Variants in LRRC73 observed in about 807,000 individuals in gnomAD.
LRRC73 encodes leucine rich repeat containing 73.
LRRC73 carries 16 observed loss-of-function variants against 26.4 expected under a neutral mutation model. The observed-to-expected ratio is 0.61, with a 90% confidence interval of 0.41 to 0.92. The LOEUF (loss-of-function observed/expected upper bound fraction) is 0.92, where lower values mean the gene tolerates loss of function less well. Ranked by LOEUF, LRRC73 falls within the 40% of genes least tolerant of loss-of-function variation. LRRC73 has a pLI of 0.00. For missense variants in LRRC73, 344 were observed against 416.3 expected, an observed-to-expected ratio of 0.83 and a Z score of 1.51; for synonymous variants, 210 against 179.8, an observed-to-expected ratio of 1.17 and a Z score of -1.34.
At position 43,508,806 on chromosome 6, in the gene LRRC73, G is replaced by T. The variant is rs762127887; in HGVS notation, c.387C>A (p.Ala129=). 11 of 1,613,072 alleles carry T rather than the reference G, an allele frequency of 6.8e-6. 1 individual carries two copies. In the South Asian group the frequency reaches 1.1e-4, roughly 16 times the overall value. ...GCAGGAGGCCACAGATGAGGTTGAT[G>T]GCTTCATCACCCAGCATGCAGTCCC... The change falls in exon 2 of 6, where the codon GCC becomes GCA. Residue 129 remains alanine (A), a synonymous_variant. Transcript: ENST00000372441.
intron 1 of LRRC73, 50 bp from the exon 2 acceptor site, chr6:43,508,970 C>T: frequency 6.8e-7 from 1 of 1,467,708 alleles, no homozygotes; most frequent in Non-Finnish European, 9.1e-7. Flanking sequence ...GCACTATCTA[C>T]ATGGGAAAGG....
chr6:43,507,100 A>G, exon 6 of LRRC73: 2 of 853,114 alleles, frequency 2.3e-6, no homozygotes, highest in Non-Finnish European at 3.7e-6. Context: ...TTCCCACCAC[A>G]CTGCCAGGAG....
chr6:43,510,163 G>C (rs2127682005), exon 1 of LRRC73: 1 of 174,482 alleles, frequency 5.7e-6, no homozygotes, highest in South Asian at 1.6e-4. Flanking sequence ...TCGCGGCGGC[G>C]GCGGCGGCAG....
chr6:43,508,638 AGAG>A, intron 2 of LRRC73, 119 bp downstream of exon 2: 1 of 1,434,960 alleles, frequency 7.0e-7, no homozygotes, highest in Non-Finnish European at 9.5e-7. Context: ...CCCCTTCCTG[AGAG>A]GAGTAGAAAG....
exon 6 of LRRC73, chr6:43,507,304 G>A (rs1792520932): frequency 6.2e-7 from 1 of 1,613,862 alleles, no homozygotes; most frequent in Non-Finnish European, 8.5e-7. Flanking sequence ...TCTGAGAGCT[G>A]GGATCTGTGG....
chr6:43,510,018 A>T (rs1440252385), exon 1 of LRRC73: 1 of 298,458 alleles, frequency 3.4e-6, no homozygotes, highest in East Asian at 5.8e-5. Flanking sequence ...GGAGGCGTCC[A>T]GGGCGCGGGC....
intron 2 of LRRC73, 31 bp from the exon 3 acceptor site, chr6:43,508,451 A>G: frequency 6.2e-7 from 1 of 1,612,690 alleles, no homozygotes; most frequent in Non-Finnish European, 8.5e-7. Context: ...AAACCAGAAT[A>G]GGGAGGGTTA....
intron 5 of LRRC73, 63 bp downstream of exon 5, chr6:43,507,393 C>T: frequency 6.2e-7 from 1 of 1,607,900 alleles, no homozygotes; most frequent in Admixed American, 1.7e-5. Context: ...GTTCTGCACA[C>T]CCACTCTCCC....
chr6:43,509,644 TGCGGCCAAAGTCGCGGTCGCAGAG>T, exon 1 of LRRC73: 1 of 1,601,070 alleles, frequency 6.2e-7, no homozygotes, highest in Non-Finnish European at 8.5e-7. Flanking sequence ...GCCCGGCAGA[TGCGGCCAAAGTCGCGGTCGCAGAG>T]GCGGCAGCCG....
At chr6:43,507,956 A>G in intron 3 of LRRC73, 30 bp from the exon 4 acceptor site, 1 of 1,579,254 alleles carries the variant, frequency 6.3e-7, no homozygotes, top group Non-Finnish European at 8.7e-7. Context: ...GCACACATTC[A>G]TACACATGCC....
exon 1 of LRRC73, chr6:43,509,868 T>G: frequency 1.6e-6 from 2 of 1,258,300 alleles, no homozygotes; most frequent in Non-Finnish European, 1.0e-6. Context: ...AGGGCCGGGG[T>G]CGGGGCCCCG....
intron 1 of LRRC73, 141 bp from the exon 2 acceptor site, chr6:43,509,061 T>G (rs768499427): frequency 1.0e-5 from 9 of 868,668 alleles, no homozygotes; most frequent in Non-Finnish European, 1.5e-5. Context: ...GAAGGAAAGT[T>G]CTAGATTCTC....
intron 2 of LRRC73, 145 bp downstream of exon 2, chr6:43,508,615 G>GC (rs1177011673): frequency 2.6e-5 from 36 of 1,384,942 alleles, no homozygotes; most frequent in African/African-American, 5.8e-5. Flanking sequence ...TCTCCATGCT[G>GC]CCCCCCGTCC....
At chr6:43,508,220 C>G (rs1055577010) in intron 3 of LRRC73, 78 bp downstream of exon 3, 8 of 1,525,422 alleles carry the variant, frequency 5.2e-6, no homozygotes, top group African/African-American at 4.1e-5. Flanking sequence ...GTACGGGTTA[C>G]CATGTCAACT....
chr6:43,507,139 C>T (rs1468635957), exon 6 of LRRC73: 3 of 1,314,280 alleles, frequency 2.3e-6, no homozygotes, highest in Non-Finnish European at 3.2e-6. Context: ...AGCCCCTGAC[C>T]CCAGTTCCCT....
At chr6:43,509,906 G>T in exon 1 of LRRC73, 1 of 811,270 alleles carries the variant, frequency 1.2e-6, no homozygotes, top group Non-Finnish European at 1.7e-6. Context: ...AGTGGGGCCG[G>T]GGGTGGAGGC....
At chr6:43,510,313 G>A (rs1377692772) in exon 1 of LRRC73, 2 of 152,754 alleles carry the variant, frequency 1.3e-5, no homozygotes, top group Admixed American at 1.3e-4. Flanking sequence ...CCTGAGGCGG[G>A]CGGCTGGCGG....
At position 43,507,704 on chromosome 6, in the gene LRRC73, G is replaced by A. The variant is rs866321385; in HGVS notation, c.658-26C>T. The A allele has an allele frequency of 6.2e-6, 10 of 1,610,414 alleles. No homozygotes were observed. In the Middle Eastern group the frequency reaches 8.3e-4, roughly 133 times the overall value. ...CTGAAGTGGGGAAGAATATGGAAAA[G>A]GATGAACACAGTTAAGGCAGGTCCT... On this transcript the variant is annotated intron_variant, in intron 4 of 5. Coordinates refer to ENST00000372441, the Ensembl canonical transcript of LRRC73.
rs7774051 is a variant in LRRC73, at chr6:43,507,107, G to A, written c.*131C>T. 8,289 of 903,158 alleles carry A rather than the reference G, an allele frequency of 9.2e-3. 477 individuals are homozygous for A. The African/African-American group carries it at 0.12, about 13-fold the overall frequency. 55.9% of individuals were successfully genotyped at this position (903,158 alleles called of 1,614,324 possible). On this transcript the variant is annotated 3_prime_UTR_variant, in exon 6 of 6. Coordinates refer to ENST00000372441, the Ensembl canonical transcript of LRRC73. ...GAGCTTCCTTCCCACCACACTGCCAGGAGCTGCCAGAGCCCCCATGCAGCC... is the reference window on the plus strand; with the variant it reads ...GAGCTTCCTTCCCACCACACTGCCAAGAGCTGCCAGAGCCCCCATGCAGCC...
Sources: allele counts gnomAD v4.1 joint callset, GRCh38; gene constraint gnomAD v4.1.1; transcripts MANE v1.5; gene names NCBI Gene and HGNC (gene_info 2026-07-23, HGNC 2026-07-21).